Variants in TRAPPC9 observed in about 807,000 individuals in gnomAD.
The protein encoded by TRAPPC9 is IKK2 binding protein.
Under a neutral mutation model 124.0 loss-of-function variants are expected in TRAPPC9, and 83 were observed. The observed-to-expected ratio is 0.67, with a 90% CI of 0.56 to 0.80. The LOEUF is 0.80. Among genes scored for constraint, TRAPPC9 ranks in the 30% least tolerant of loss-of-function variants. The pLI is 0.00. For synonymous variants in TRAPPC9, 638 were observed against 617.5 expected (o/e 1.03, Z -0.49); for missense variants, 1,302 against 1,508.3 (o/e 0.86, Z 2.27).
At chr8:139,983,178 C>G (rs1837022666) in intron 19 of TRAPPC9, among the ~76,000 whole-genome samples, 2 of 152,142 alleles carry the variant, frequency 1.3e-5, no homozygotes, top group South Asian at 4.1e-4. Context: ...GAGAAGCCTC[C>G]AACTACGAAG....
intron 21 of TRAPPC9, among the ~76,000 whole-genome samples, chr8:139,840,819 T>C (rs1317275790): frequency 1.3e-5 from 2 of 152,194 alleles, no homozygotes; most frequent in African/African-American, 2.4e-5. Context: ...CTGCCTCTGG[T>C]AGGCTTGTCC....
chr8:139,795,315 C>T (rs561184721), intron 21 of TRAPPC9, among the ~76,000 whole-genome samples: 110 of 152,156 alleles, frequency 7.2e-4, no homozygotes, highest in Middle Eastern at 3.4e-3. Flanking sequence ...GAGAGCCAGG[C>T]AGCCATCCCG....
In TRAPPC9 at chr8:139,824,649, C is replaced by T. The variant is rs1825495646; in HGVS notation, c.3055+61230G>A. On this transcript the variant is annotated intron_variant, in intron 21 of 22. Transcript: ENST00000438773. ...GATCTTGGCTCACTGCAACCTCCACCTCCCAGGTTCAAGCGACTCTTGAGC... is the reference window on the plus strand; with the variant it reads ...GATCTTGGCTCACTGCAACCTCCACTTCCCAGGTTCAAGCGACTCTTGAGC... Among the ~76,000 whole-genome samples the T allele has an allele frequency of 2.6e-5, 4 of 152,166 alleles. No homozygotes were observed. The South Asian group carries it at 8.3e-4, about 32-fold the overall frequency.
At chr8:140,415,429 C>G (rs1351385734) in intron 5 of TRAPPC9, among the ~76,000 whole-genome samples, 1 of 151,384 alleles carries the variant, frequency 6.6e-6, no homozygotes, top group African/African-American at 2.4e-5. Flanking sequence ...GTGGTGCACG[C>G]CTGTAATCCC....
At chr8:139,826,828 G>A (rs1413714271) in intron 21 of TRAPPC9, among the ~76,000 whole-genome samples, 3 of 152,222 alleles carry the variant, frequency 2.0e-5, no homozygotes, top group African/African-American at 4.8e-5. Flanking sequence ...TTTCTGCAGA[G>A]AGGTTGGTAC....
At chr8:140,425,957 C>G (rs2070407566) in intron 5 of TRAPPC9, among the ~76,000 whole-genome samples, 1 of 152,232 alleles carries the variant, frequency 6.6e-6, no homozygotes, top group African/African-American at 2.4e-5. Context: ...ATTTCAGAGC[C>G]AAGATGCACG....
intron 20 of TRAPPC9, among the ~76,000 whole-genome samples, chr8:139,886,577 C>T (rs2131122581): frequency 6.6e-6 from 1 of 152,338 alleles, no homozygotes; most frequent in African/African-American, 2.4e-5. Context: ...ATCTGTAAAC[C>T]TCTTTCCCTT....
At chr8:139,838,978 C>T (rs758200566) in intron 21 of TRAPPC9, among the ~76,000 whole-genome samples, 20 of 152,266 alleles carry the variant, frequency 1.3e-4, no homozygotes, top group African/African-American at 1.9e-4. Flanking sequence ...CACATGGCCA[C>T]GCTGGGAGGG....
chr8:140,209,544 A>G (rs2063006883), intron 17 of TRAPPC9, among the ~76,000 whole-genome samples: 1 of 152,242 alleles, frequency 6.6e-6, no homozygotes, highest in African/African-American at 2.4e-5. Flanking sequence ...TGAGCAGATT[A>G]AAGGATTCCT....
intron 17 of TRAPPC9, among the ~76,000 whole-genome samples, chr8:140,176,221 C>T (rs533941529): frequency 6.6e-6 from 1 of 152,238 alleles, no homozygotes; most frequent in East Asian, 1.9e-4. Context: ...CAAAACCACC[C>T]CTAATAAATT....
At chr8:140,212,799 G>A (rs1344983632) in intron 17 of TRAPPC9, among the ~76,000 whole-genome samples, 1 of 150,646 alleles carries the variant, frequency 6.6e-6, no homozygotes, top group Non-Finnish European at 1.5e-5. Context: ...AGTTTTTTTT[G>A]GCTGGGCATG....
rs375154096 is a variant in TRAPPC9, at chr8:139,731,057, G to A, written c.*4C>T. On this transcript the variant is annotated 3_prime_UTR_variant, in exon 23 of 23. Transcript: ENST00000438773. ...TGCAGAAAGAGGGACGGAAGTAGGC[G>A]GGCTCAGGCCTGCGCCTCCAGGGCA... 22 of 1,612,016 alleles carry A rather than the reference G, an allele frequency of 1.4e-5. No homozygotes were observed. The highest frequency in any genetic ancestry group is 3.9e-4 in the Middle Eastern group (2 of 5,120).
intron 4 of TRAPPC9, among the ~76,000 whole-genome samples, chr8:140,434,052 C>T (rs2070735289): frequency 6.6e-6 from 1 of 152,180 alleles, no homozygotes. Context: ...TGGCTGCTTT[C>T]CGCAACCAAT....
intron 17 of TRAPPC9, among the ~76,000 whole-genome samples, chr8:140,105,802 G>C (rs1400259165): frequency 1.3e-5 from 2 of 152,100 alleles, no homozygotes; most frequent in Non-Finnish European, 2.9e-5. Context: ...AGGAAGGAGA[G>C]AGACTGCATG....
chr8:139,831,062 T>C (rs1001350681), intron 21 of TRAPPC9, among the ~76,000 whole-genome samples: 3 of 152,194 alleles, frequency 2.0e-5, no homozygotes, highest in African/African-American at 7.2e-5. Flanking sequence ...ATTTCAGAAA[T>C]GAGCCATCTG....
At chr8:139,933,422 C>A (rs140208676) in intron 19 of TRAPPC9, 7 of 152,284 alleles carry the variant, frequency 4.6e-5, no homozygotes, top group African/African-American at 1.7e-4. Flanking sequence ...ATCCACTCAG[C>A]GCACAGCCTT....
chr8:139,868,728 C>G (rs1828705859), intron 21 of TRAPPC9, among the ~76,000 whole-genome samples: 1 of 152,144 alleles, frequency 6.6e-6, no homozygotes, highest in Admixed American at 6.5e-5. Flanking sequence ...TTATTAACTT[C>G]TTCATCAAAT....
rs183725037 is a variant in TRAPPC9 at position 139,893,648 on chromosome 8, G to A, written c.2965-7679C>T. On this transcript the variant is annotated intron_variant, in intron 20 of 22. Transcript: ENST00000438773. ...TGAATGTAGGCATAAAGAAAATGAC[G>A]GTATTCATCAAAAGCTGCCCTTCAC... 2.4e-3 allele frequency among the ~76,000 whole-genome samples: 370 copies of A among 152,326 alleles called. 2 individuals carry two copies. Among genetic ancestry groups the A allele is most frequent in the Non-Finnish European group, 4.7e-3 (319 of 68,036 alleles).
intron 9 of TRAPPC9, among the ~76,000 whole-genome samples, chr8:140,328,370 T>A (rs1474688326): frequency 6.6e-6 from 1 of 152,146 alleles, no homozygotes; most frequent in Non-Finnish European, 1.5e-5. Flanking sequence ...AATACGTACA[T>A]GATCAATCGT....
Sources: allele counts gnomAD v4.1 joint callset (sites outside exome capture counted in the v4.1 genomes callset), GRCh38; gene constraint gnomAD v4.1.1; transcripts MANE v1.5; gene names NCBI Gene and HGNC (gene_info 2026-07-23, HGNC 2026-07-21).